The following CCDC180 variants were observed in gnomAD, a reference collection of about 807,000 sequenced individuals.
The protein encoded by CCDC180 is coiled-coil domain containing 180, also known as coiled-coil domain-containing protein 180.
A neutral mutation model predicts 209.2 loss-of-function variants in CCDC180; 154 were observed. The ratio of observed to expected loss-of-function variants is 0.74; its 90% CI spans 0.65 to 0.84. The LOEUF (loss-of-function observed/expected upper bound fraction) is 0.84, where lower values mean the gene tolerates loss of function less well. CCDC180 is among the 40% of genes least tolerant of loss of function. The probability of loss-of-function intolerance (pLI) is 0.00; values close to 1 mark genes in which losing one functional copy is unlikely to be tolerated. For synonymous variants in CCDC180, 778 were observed against 749.1 expected, an observed-to-expected ratio of 1.04 and a Z score of -0.63; for missense variants, 1,874 against 1,997.3, an observed-to-expected ratio of 0.94 and a Z score of 1.18.
chr9:97,336,309 GTCTTTAATCCA>G (rs1202445075), intron 18 of CCDC180, among the ~76,000 whole-genome samples: 1 of 152,162 alleles, frequency 6.6e-6, no homozygotes, highest in Non-Finnish European at 1.5e-5. Context: ...TAACATTTAA[GTCTTTAATCCA>G]TCTTGAATTA....
At chr9:97,375,204 T>C (rs1043795924) in intron 35 of CCDC180, among the ~76,000 whole-genome samples, 3 of 152,126 alleles carry the variant, frequency 2.0e-5, no homozygotes, top group African/African-American at 7.2e-5. Context: ...GGGGAGCAAC[T>C]TGAGCTGTGG....
chr9:97,320,759 G>A (rs766313194), intron 11 of CCDC180, among the ~76,000 whole-genome samples: 7 of 152,194 alleles, frequency 4.6e-5, no homozygotes, highest in East Asian at 1.9e-4. Context: ...AGGCTGTAGC[G>A]TGTGTGCTGA....
At chr9:97,309,689 T>A in intron 3 of CCDC180, 85 bp downstream of exon 3, 1 of 1,141,796 alleles carries the variant, frequency 8.8e-7, no homozygotes, top group Non-Finnish European at 1.2e-6. Flanking sequence ...ACAAGATGAG[T>A]AGCCTGTAGG....
rs1833540497 is a variant in CCDC180 at position 97,326,583 on chromosome 9, G to A, written c.1575G>A (p.Leu525=). Residue 525 remains leucine (L), a synonymous_variant, in exon 15 of 37, where the codon TTG becomes TTA. Transcript: ENST00000529487. ...QVQEAHLDRL[L]DQLRQQSDKE... Reference sequence around the variant, plus strand: ...AGGAGGCCCACCTCGATAGGCTCTTGGACCAACTGAGGCAGCAAAGTGACA... The same window carrying A: ...AGGAGGCCCACCTCGATAGGCTCTTAGACCAACTGAGGCAGCAAAGTGACA... The A allele has an allele frequency of 1.1e-5, 18 of 1,613,748 alleles. No individual in the cohort carries two copies. Among genetic ancestry groups the A allele is most frequent in the African/African-American group, 2.7e-5 (2 of 75,030 alleles).
At chr9:97,321,936 A>G (rs1398091409) in intron 11 of CCDC180, among the ~76,000 whole-genome samples, 1 of 152,184 alleles carries the variant, frequency 6.6e-6, no homozygotes. Flanking sequence ...AGGCTGGAAG[A>G]TGCAAAGCAG....
intron 18 of CCDC180, among the ~76,000 whole-genome samples, chr9:97,340,298 T>G (rs1826038351): frequency 6.6e-6 from 1 of 152,132 alleles, no homozygotes; most frequent in Non-Finnish European, 1.5e-5. Context: ...CTTTGTGGTT[T>G]TTATCTACCT....
intron 28 of CCDC180, 149 bp from the exon 29 acceptor site, chr9:97,363,902 C>T (rs2117909169): frequency 1.5e-6 from 1 of 687,276 alleles, no homozygotes; most frequent in South Asian, 1.8e-5. Context: ...AAGGGAAACG[C>T]CCCAAAGGGC....
chr9:97,376,443 T>C (rs2118046507), intron 36 of CCDC180: 1 of 184,262 alleles, frequency 5.4e-6, no homozygotes, highest in Non-Finnish European at 1.1e-5. Context: ...AGCCCTGAGC[T>C]CCCGAGAGGC....
intron 3 of CCDC180, 69 bp downstream of exon 3, chr9:97,309,673 GC>G: frequency 7.6e-7 from 1 of 1,310,520 alleles, no homozygotes; most frequent in Non-Finnish European, 1.0e-6. Flanking sequence ...CTCAAAAAGA[GC>G]CAGCACAAGA....
chr9:97,344,430 A>C (rs1826187127), intron 19 of CCDC180, among the ~76,000 whole-genome samples: 1 of 152,194 alleles, frequency 6.6e-6, no homozygotes. Context: ...CCTCTACCAG[A>C]GGCCATCATC....
At position 97,362,176 on chromosome 9, in the gene CCDC180, AC is replaced by A; in HGVS notation, c.3657-17del. The A allele has an allele frequency of 1.2e-6, 2 of 1,605,350 alleles. No individual in the cohort carries two copies. Among genetic ancestry groups the A allele is most frequent in the South Asian group, 1.1e-5 (1 of 89,984 alleles). Reference sequence around the variant, plus strand: ...CCATGGTCACCGGAGAAGAGCTCACACCCTTTCCTTTGGTTTCAGACTTCCC... The same window carrying A: ...CCATGGTCACCGGAGAAGAGCTCACACCTTTCCTTTGGTTTCAGACTTCCC... On this transcript the variant is annotated intron_variant, in intron 27 of 36. Coordinates refer to ENST00000529487, the MANE Select transcript of CCDC180 (RefSeq NM_020893.6).
At chr9:97,324,646 G>A (rs1266742405) in intron 13 of CCDC180, among the ~76,000 whole-genome samples, 1 of 152,162 alleles carries the variant, frequency 6.6e-6, no homozygotes, top group African/African-American at 2.4e-5. Context: ...CAGATGCCAT[G>A]AGTGAGGGAA....
intron 11 of CCDC180, among the ~76,000 whole-genome samples, chr9:97,320,530 T>C (rs1468377479): frequency 6.6e-6 from 1 of 152,192 alleles, no homozygotes; most frequent in Non-Finnish European, 1.5e-5. Context: ...CACATAGTAT[T>C]GATGCCCAGC....
intron 8 of CCDC180, among the ~76,000 whole-genome samples, chr9:97,316,698 C>T (rs568591307): frequency 1.6e-4 from 25 of 152,272 alleles, no homozygotes; most frequent in African/African-American, 5.3e-4. Context: ...CCTGATGGCA[C>T]GAGCACTCTG....
intron 18 of CCDC180, among the ~76,000 whole-genome samples, chr9:97,335,888 T>C (rs1825889710): frequency 6.6e-6 from 1 of 152,240 alleles, no homozygotes; most frequent in South Asian, 2.1e-4. Context: ...TGTGAGATGG[T>C]ATCTCTTTGT....
At position 97,349,261 on chromosome 9, in the gene CCDC180, A is replaced by T. The variant is rs1233749681; in HGVS notation, c.2825A>T (p.His942Leu). ...CGCCTTAAGATCTATGACATGGAGC[A>T]CATCTTCTTGAATGCCACCAGGAGC... ...NFRLKIYDME[H>L]IFLNATRSQK... The change falls in exon 21 of 37, where the codon CAC (histidine) becomes CTC (leucine). Residue 942 changes from histidine to leucine, a missense_variant. By Grantham distance (99) the His-to-Leu change is moderately conservative (BLOSUM62 -3). Transcript: ENST00000529487. 1 of 1,536,710 alleles carries T rather than the reference A, an allele frequency of 6.5e-7. No individual in the cohort carries two copies. Among genetic ancestry groups the T allele is most frequent in the Admixed American group, 2.0e-5 (1 of 51,002 alleles).
rs757461520 is a variant in CCDC180 at position 97,374,535 on chromosome 9, G to A, written c.4601-8G>A. On this transcript the variant is annotated splice_region_variant and splice_polypyrimidine_tract_variant and intron_variant, in intron 34 of 36. Coordinates refer to ENST00000529487, the MANE Select transcript of CCDC180 (RefSeq NM_020893.6). Reference sequence around the variant, plus strand: ...GGCTGCAGTCACTAGCCTGTCTTTTGCCTCTAGGGATGGAGCCCCCCAAAC... The same window carrying A: ...GGCTGCAGTCACTAGCCTGTCTTTTACCTCTAGGGATGGAGCCCCCCAAAC... The A allele has an allele frequency of 6.2e-7, 1 of 1,610,266 alleles. No individual in the cohort carries two copies. The highest frequency in any genetic ancestry group is 8.5e-7 in the Non-Finnish European group (1 of 1,177,076).
chr9:97,310,199 C>T (rs2118513892), intron 3 of CCDC180, among the ~76,000 whole-genome samples: 1 of 152,320 alleles, frequency 6.6e-6, no homozygotes, highest in Middle Eastern at 3.4e-3. Context: ...CAAGAAGAGG[C>T]AGGAAGGCCA....
Position 97,361,708 on chromosome 9 carries a change from C to A in CCDC180, c.3484-18C>A. 1.9e-6 allele frequency: 3 copies of A among 1,612,844 alleles called. No homozygotes were observed. Among genetic ancestry groups the A allele is most frequent in the Non-Finnish European group, 2.5e-6 (3 of 1,179,562 alleles). The stretch of plus-strand genomic sequence containing the variant: ...GGGCTGGTCCTTACACCCTCAGGCC[C>A]TTCTCTCTGGCCTGCAGAACACCAT... On this transcript the variant is annotated intron_variant, in intron 26 of 36. Coordinates refer to ENST00000529487, the MANE Select transcript of CCDC180 (RefSeq NM_020893.6).
Sources: allele counts gnomAD v4.1 joint callset (sites outside exome capture counted in the v4.1 genomes callset), GRCh38; gene constraint gnomAD v4.1.1; transcripts MANE v1.5; gene names NCBI Gene and HGNC (gene_info 2026-07-23, HGNC 2026-07-21).